LGSN: variants seen among roughly 807,000 people sequenced by gnomAD.
LGSN encodes the protein lengsin.
LGSN carries 21 observed loss-of-function variants against 19.5 expected under a neutral mutation model. The observed-to-expected ratio is 1.07, with a 90% CI of 0.76 to 1.55. The LOEUF is 1.55. LGSN is among the 40% of genes most tolerant of loss of function. The pLI is 0.00. For missense variants in LGSN, 673 were observed against 608.5 expected (o/e 1.11, Z -1.12); for synonymous variants, 257 against 215.6 (o/e 1.19, Z -1.68).
Position 63,280,410 on chromosome 6 carries a change from G to T in LGSN, c.1141C>A (p.Pro381Thr), listed in dbSNP as rs764036960. The T allele has an allele frequency of 3.0e-5, 48 of 1,614,144 alleles. No individual in the cohort carries two copies. The highest frequency in any genetic ancestry group is 3.9e-5 in the Non-Finnish European group (46 of 1,180,034). ...KDRKDLKKSV[P>T]TTWGYNDNSC... ...TTGTCATTGTATCCCCATGTTGTAG[G>T]CACACTCTTCTTCAGGTCTTTCCTG... The change falls in exon 4 of 4, where the codon CCT (proline) becomes ACT (threonine). Residue 381 changes from proline to threonine, a missense_variant. Physicochemically the swap from Pro to Thr is conservative, Grantham distance 38 (BLOSUM62 -1). Transcript: ENST00000370657.
chr6:63,280,092 TG>T lies in LGSN; in HGVS notation c.1458del (p.Met487Ter). 2 of 1,613,910 alleles carry T rather than the reference TG, an allele frequency of 1.2e-6. No homozygotes were observed. Among genetic ancestry groups the T allele is most frequent in the South Asian group, 2.2e-5 (2 of 91,004 alleles). On this transcript the variant is annotated frameshift_variant, in exon 4 of 4. Coordinates refer to ENST00000370657, the MANE Select transcript of LGSN (RefSeq NM_016571.3). LOFTEE classifies it high-confidence loss of function. ...LGETFIRYFV[A>X]MKKYELENEE... ...TCATTCTCCAACTCATATTTCTTCA[TG>T]GCAACAAAATATCGAATAAAGGTTT...
chr6:63,363,554 C>A, the LGSN span, among the ~76,000 whole-genome samples: 1 of 152,240 alleles, frequency 6.6e-6, no homozygotes, highest in Non-Finnish European at 1.5e-5. Context: ...GTGATACATG[C>A]ACAAGCTTCA....
the LGSN span, among the ~76,000 whole-genome samples, chr6:63,388,426 T>A: frequency 6.6e-6 from 1 of 152,088 alleles, no homozygotes. Context: ...TATTTAGAGA[T>A]AGCATCTTTA....
chr6:63,466,683 A>G, the LGSN span, among the ~76,000 whole-genome samples: 3 of 152,208 alleles, frequency 2.0e-5, no homozygotes, highest in East Asian at 3.8e-4. Context: ...AAGTAAAGTC[A>G]AGTATGACTC....
At chr6:63,490,760 T>C in the LGSN span, among the ~76,000 whole-genome samples, 2 of 152,016 alleles carry the variant, frequency 1.3e-5, no homozygotes, top group South Asian at 2.1e-4. Flanking sequence ...ATCATGCCTA[T>C]GGAGGCTGAG....
the LGSN span, among the ~76,000 whole-genome samples, chr6:63,572,936 G>C: frequency 6.6e-6 from 1 of 152,186 alleles, no homozygotes; most frequent in African/African-American, 2.4e-5. Context: ...GGGGCTGCGG[G>C]GTGGCGGTTG....
At chr6:63,517,335 G>T in the LGSN span, among the ~76,000 whole-genome samples, 1 of 152,078 alleles carries the variant, frequency 6.6e-6, no homozygotes, top group Non-Finnish European at 1.5e-5. Context: ...AAGAAAAGAG[G>T]TCAAACAGAC....
At chr6:63,314,986 G>A (rs1768784063) in intron 1 of LGSN, among the ~76,000 whole-genome samples, 2 of 152,056 alleles carry the variant, frequency 1.3e-5, no homozygotes, top group Non-Finnish European at 2.9e-5. Flanking sequence ...AATAAGTTGA[G>A]GATTTGGGCA....
At chr6:63,360,744 T>A in the LGSN span, among the ~76,000 whole-genome samples, 1 of 152,222 alleles carries the variant, frequency 6.6e-6, no homozygotes, top group African/African-American at 2.4e-5. Context: ...ATTTTTAGAA[T>A]TTTCAGTTTT....
chr6:63,411,824 G>A, the LGSN span, among the ~76,000 whole-genome samples: 2 of 152,020 alleles, frequency 1.3e-5, no homozygotes, highest in African/African-American at 4.8e-5. Context: ...TCCAGCCTGG[G>A]TGACAGAGTG....
chr6:63,345,037 A>T, the LGSN span, among the ~76,000 whole-genome samples: 1 of 151,182 alleles, frequency 6.6e-6, no homozygotes, highest in African/African-American at 2.5e-5. Flanking sequence ...CTTAATTTCT[A>T]AAGGAAAATA....
the LGSN span, among the ~76,000 whole-genome samples, chr6:63,455,726 C>T: frequency 2.0e-5 from 3 of 151,934 alleles, no homozygotes; most frequent in Admixed American, 6.6e-5. Flanking sequence ...TGCACTCCAG[C>T]CTGGGCAACA....
the LGSN span, among the ~76,000 whole-genome samples, chr6:63,420,229 C>A: frequency 6.6e-6 from 1 of 151,270 alleles, no homozygotes; most frequent in Non-Finnish European, 1.5e-5. Flanking sequence ...GTACTTTGTA[C>A]TTTTTCACTC....
At chr6:63,483,368 CT>C in the LGSN span, among the ~76,000 whole-genome samples, 2,923 of 143,520 alleles carry the variant, frequency 0.02, 34 homozygotes, top group Middle Eastern at 0.025. Context: ...AAAGGAAGCT[CT>C]TTTTTTTTTT....
the LGSN span, among the ~76,000 whole-genome samples, chr6:63,522,521 A>AG: frequency 6.6e-6 from 1 of 152,226 alleles, no homozygotes; most frequent in Non-Finnish European, 1.5e-5. Flanking sequence ...TAGTAAGCAA[A>AG]GAGAGCAATA....
the LGSN span, chr6:63,443,488 C>CAGATGGT: frequency 2.7e-6 from 1 of 364,754 alleles, no homozygotes; most frequent in South Asian, 8.0e-5. Context: ...CACATTGTCA[C>CAGATGGT]CTCTCACCTT....
At chr6:63,282,728 G>A (rs1267298505) in intron 3 of LGSN, among the ~76,000 whole-genome samples, 2 of 152,114 alleles carry the variant, frequency 1.3e-5, no homozygotes, top group Non-Finnish European at 2.9e-5. Flanking sequence ...AGTTGAGTGA[G>A]CCAAACACCA....
At chr6:63,325,773 G>A in the LGSN span, among the ~76,000 whole-genome samples, 2 of 152,196 alleles carry the variant, frequency 1.3e-5, no homozygotes, top group East Asian at 1.9e-4. Context: ...GGCTTCAGGA[G>A]TGAAGCTTCA....
intron 2 of LGSN, 48 bp from the exon 3 acceptor site, chr6:63,285,801 G>A (rs1767511909): frequency 6.6e-7 from 1 of 1,508,672 alleles, no homozygotes; most frequent in South Asian, 1.1e-5. Context: ...ATGATGGACT[G>A]AGAAGCAAAA....
Sources: allele counts gnomAD v4.1 joint callset (sites outside exome capture counted in the v4.1 genomes callset), GRCh38; gene constraint gnomAD v4.1.1; transcripts MANE v1.5; gene names NCBI Gene and HGNC (gene_info 2026-07-23, HGNC 2026-07-21).